ELFN2: variants seen among roughly 807,000 people sequenced by gnomAD.
ELFN2 encodes protein phosphatase 1 regulatory subunit 29.
In ELFN2, 17 loss-of-function variants were observed where a neutral mutation model predicts 45.5. That is an observed-to-expected ratio of 0.37 (90% CI 0.26 to 0.56). The LOEUF is 0.56. Ranked by LOEUF, ELFN2 falls within the 20% of genes least tolerant of loss-of-function variation. ELFN2 has a pLI of 0.77. For missense variants in ELFN2, 922 were observed against 1,183.2 expected, an observed-to-expected ratio of 0.78 and a Z score of 3.24; for synonymous variants, 550 against 551.5, an observed-to-expected ratio of 1.00 and a Z score of 0.04.
intron 2 of ELFN2, among the ~76,000 whole-genome samples, chr22:37,397,305 G>C (rs1228703738): frequency 6.6e-6 from 1 of 152,184 alleles, no homozygotes; most frequent in Non-Finnish European, 1.5e-5. Flanking sequence ...AGGCACCCAG[G>C]GAGTGAAAAT....
intron 1 of ELFN2, among the ~76,000 whole-genome samples, chr22:37,351,483 G>A (rs1930820059): frequency 6.7e-6 from 1 of 149,828 alleles, no homozygotes; most frequent in Non-Finnish European, 1.5e-5. Flanking sequence ...TCCTCCAGTG[G>A]GGGCACCCTC....
In ELFN2 at chr22:37,349,655, T is replaced by C. The variant is rs1412103644; in HGVS notation, n.149-6952A>G. Reference sequence around the variant, plus strand: ...AAGGCACTGGGTGGTGGGGTGGGGGTGCAGGTGGGGCCTTGCAGGGCACAC... The same window carrying C: ...AAGGCACTGGGTGGTGGGGTGGGGGCGCAGGTGGGGCCTTGCAGGGCACAC... On this transcript the variant is annotated intron_variant and non_coding_transcript_variant, in intron 1 of 2. Transcript: ENST00000452946. Among the ~76,000 whole-genome samples the C allele has an allele frequency of 1.3e-5, 2 of 150,498 alleles. 1 individual carries two copies. The highest frequency in any genetic ancestry group is 3.0e-5 in the Non-Finnish European group (2 of 67,110).
chr22:37,376,024 CAG>C (rs1247464873), intron 2 of ELFN2, 28 bp from the exon 3 acceptor site: 2 of 178,292 alleles, frequency 1.1e-5, no homozygotes, highest in Non-Finnish European at 2.3e-5. Flanking sequence ...GAGCGGGTGA[CAG>C]ATCAGTGTGA....
At chr22:37,380,515 G>C (rs1012953956) in intron 2 of ELFN2, among the ~76,000 whole-genome samples, 2 of 152,200 alleles carry the variant, frequency 1.3e-5, no homozygotes, top group Admixed American at 6.5e-5. Context: ...AGGAGCAGGT[G>C]GGGGGAAGCG....
intron 2 of ELFN2, among the ~76,000 whole-genome samples, chr22:37,396,762 C>T (rs1218753726): frequency 6.6e-6 from 1 of 152,160 alleles, no homozygotes; most frequent in Admixed American, 6.5e-5. Context: ...ATGCATGCCC[C>T]TGGCTGCTCA....
intron 2 of ELFN2, among the ~76,000 whole-genome samples, chr22:37,376,602 G>A (rs1931592641): frequency 6.6e-6 from 1 of 152,206 alleles, no homozygotes; most frequent in Non-Finnish European, 1.5e-5. Flanking sequence ...TAATTCCCTT[G>A]TCTCAGCTTC....
chr22:37,347,170 G>A (rs999203275), intron 1 of ELFN2, among the ~76,000 whole-genome samples: 7 of 151,966 alleles, frequency 4.6e-5, no homozygotes, highest in African/African-American at 1.7e-4. Context: ...TAGAGATGGG[G>A]GTTTCAACAT....
intron 1 of ELFN2, among the ~76,000 whole-genome samples, chr22:37,356,146 T>C (rs1930944552): frequency 6.6e-6 from 1 of 152,122 alleles, no homozygotes; most frequent in Admixed American, 6.5e-5. Flanking sequence ...CAGAGGGCAC[T>C]GCAGGAGGGG....
intron 2 of ELFN2, among the ~76,000 whole-genome samples, chr22:37,410,735 C>A (rs1482625670): frequency 2.0e-5 from 3 of 152,240 alleles, no homozygotes; most frequent in African/African-American, 7.2e-5. Flanking sequence ...CACGAAGCAA[C>A]CGAGGAGCGG....
At chr22:37,345,557 T>C (rs1356009352) in intron 1 of ELFN2, among the ~76,000 whole-genome samples, 1 of 150,730 alleles carries the variant, frequency 6.6e-6, no homozygotes, top group Non-Finnish European at 1.5e-5. Context: ...CTTTTTTTTT[T>C]TTTTTTTTGA....
rs1351241848 is a variant in ELFN2, at chr22:37,347,283, A to G, written n.149-4580T>C. ...TGTGAGCCACCACGCCTGGCCTCCC[A>G]TCTTCATTATTTCCTGGAGGGCTTG... On this transcript the variant is annotated intron_variant and non_coding_transcript_variant, in intron 1 of 2. Coordinates refer to ENST00000452946, the Ensembl canonical transcript of ELFN2. Among the ~76,000 whole-genome samples the G allele has an allele frequency of 3.9e-5, 6 of 152,056 alleles. No individual in the cohort carries two copies. The South Asian group carries it at 1.2e-3, about 32-fold the overall frequency.
intron 1 of ELFN2, among the ~76,000 whole-genome samples, chr22:37,351,597 C>T (rs1930822807): frequency 6.7e-6 from 1 of 150,152 alleles, no homozygotes; most frequent in Non-Finnish European, 1.5e-5. Flanking sequence ...ACCCTCTCGA[C>T]TTCTGACCAT....
At chr22:37,347,678 ACACAC>A (rs756051032) in intron 1 of ELFN2, among the ~76,000 whole-genome samples, 1 of 145,562 alleles carries the variant, frequency 6.9e-6, no homozygotes, top group Non-Finnish European at 1.5e-5. Flanking sequence ...ACACACACAC[ACACAC>A]AATCAGTGGC....
chr22:37,346,285 G>C (rs1930695256), intron 1 of ELFN2, among the ~76,000 whole-genome samples: 2 of 152,202 alleles, frequency 1.3e-5, no homozygotes, highest in African/African-American at 4.8e-5. Context: ...GCCCCAGGAA[G>C]GGCTGGCATT....
chr22:37,367,530 G>A (rs941449137), downstream of ELFN2, among the ~76,000 whole-genome samples: 28 of 152,206 alleles, frequency 1.8e-4, no homozygotes, highest in African/African-American at 5.5e-4. Flanking sequence ...CTCAGAGACC[G>A]TGGTCACTGA....
Position 37,399,221 on chromosome 22 carries a change from C to G in ELFN2, c.-463+18548G>C, listed in dbSNP as rs144334679. ...AGTACCCTCCTGTCCCATCCCCGCC[C>G]AGTGAGTGCTACTTCTCAGGCAGGA... On this transcript the variant is annotated intron_variant, in intron 2 of 2. Coordinates refer to ENST00000402918, the MANE Select transcript of ELFN2 (RefSeq NM_052906.5). 2.8e-3 allele frequency among the ~76,000 whole-genome samples: 426 copies of G among 152,236 alleles called. 4 individuals are homozygous for G. The highest frequency in any genetic ancestry group is 7.6e-3 in the African/African-American group (316 of 41,530).
chr22:37,356,336 C>T (rs1569126895), intron 1 of ELFN2, among the ~76,000 whole-genome samples: 1 of 152,200 alleles, frequency 6.6e-6, no homozygotes, highest in African/African-American at 2.4e-5. Context: ...AGAGGGTCTA[C>T]AGCATGGGGC....
At chr22:37,363,599 G>A (rs181523400), downstream of ELFN2, among the ~76,000 whole-genome samples, 98 of 152,286 alleles carry the variant, frequency 6.4e-4, no homozygotes, top group Middle Eastern at 6.8e-3. Flanking sequence ...TGGGCTTGGC[G>A]CTGACAGCAG....
rs1282439997 is a variant in ELFN2, at chr22:37,410,382, C to T, written c.-463+7387G>A. Among the ~76,000 whole-genome samples, 4 of 152,278 alleles carry T rather than the reference C, an allele frequency of 2.6e-5. No individual in the cohort carries two copies. The East Asian group carries it at 7.7e-4, about 29-fold the overall frequency. On this transcript the variant is annotated intron_variant, in intron 2 of 2. Coordinates refer to ENST00000402918, the MANE Select transcript of ELFN2 (RefSeq NM_052906.5). ...CTGGCCACTCACTGCGGTGTGGCCCCGAGCCAGCGCCTCACCTCTCTGGGC... is the reference window on the plus strand; with the variant it reads ...CTGGCCACTCACTGCGGTGTGGCCCTGAGCCAGCGCCTCACCTCTCTGGGC...
Sources: gnomAD v4.1 joint callset for allele counts (sites outside exome capture counted in the v4.1 genomes callset) on GRCh38, gnomAD v4.1.1 for gene constraint, MANE v1.5 for transcripts, NCBI Gene and HGNC (gene_info 2026-07-23, HGNC 2026-07-21) for gene names.